The following OR7A17 variants were observed in gnomAD, a reference collection of about 807,000 sequenced individuals.
The protein encoded by OR7A17 is olfactory receptor family 7 subfamily A member 17, also known as olfactory receptor 7A17.
For synonymous variants in OR7A17, 159 were observed against 142.1 expected (o/e 1.12, Z -0.85); for missense variants, 366 against 365.5 (o/e 1.00, Z -0.01).
Position 14,878,519 on chromosome 19 carries a change from GT to G in OR7A17, c.*1906del, listed in dbSNP as rs1478973986. ...AGGAGTCTTATTTGTGTGTAGCACT[GT>G]AAATTTTTAAGCAGAAACAGTAAAA... On this transcript the variant is annotated 3_prime_UTR_variant, in exon 3 of 3. Coordinates refer to ENST00000641113, the MANE Select transcript of OR7A17 (RefSeq NM_030901.2). The G allele has an allele frequency of 7.2e-5, 11 of 152,210 alleles. No individual in the cohort carries two copies. The highest frequency in any genetic ancestry group is 2.7e-4 in the African/African-American group (11 of 41,454). The allele number at this position is 152,210 out of a possible 1,614,324, so 9.4% of individuals were successfully genotyped here.
rs112319371 is a variant in OR7A17, at chr19:14,880,324, A to G, written c.*102T>C. 2 of 702,766 alleles carry G rather than the reference A, an allele frequency of 2.8e-6. No homozygotes were observed. Among genetic ancestry groups the G allele is most frequent in the Non-Finnish European group, 2.2e-6 (1 of 460,066 alleles). The allele number at this position is 702,766 out of a possible 1,614,324, so 43.5% of individuals were successfully genotyped here. A position where few individuals can be genotyped will look rare whatever the true frequency, so the allele number is the denominator to read the frequency against. On this transcript the variant is annotated 3_prime_UTR_variant, in exon 3 of 3. Coordinates refer to ENST00000641113, the MANE Select transcript of OR7A17 (RefSeq NM_030901.2). ...AAATTGAAACTCTGAGAAAAAATAG[A>G]AGGAGCAAATTCCACTTTCACAACC...
In OR7A17 at chr19:14,882,773, C is replaced by T. The variant is rs143614335; in HGVS notation, c.-294-902G>A. ...AATACAGAGCCCAAATCCCCTTTCT[C>T]TGCAACCTGCTTTTATGCTAAAGGT... On this transcript the variant is annotated intron_variant, in intron 1 of 2. Transcript: ENST00000641113. 1.3e-4 allele frequency among the ~76,000 whole-genome samples: 20 copies of T among 152,336 alleles called. 1 individual carries two copies. Among genetic ancestry groups the T allele is most frequent in the African/African-American group, 4.6e-4 (19 of 41,562 alleles).
At chr19:14,885,196 A>G (rs1416354121) in intron 1 of OR7A17, among the ~76,000 whole-genome samples, 1 of 152,212 alleles carries the variant, frequency 6.6e-6, no homozygotes, top group African/African-American at 2.4e-5. Context: ...AGCTGGAAGC[A>G]TTCCCTTTGA....
chr19:14,880,209 C>CAAAAAAAAAAA lies in OR7A17; in HGVS notation c.*206_*216dup, dbSNP rs3030635. ...AAACATTGGGAAAGTAGGAAAATGACAAAAAAAAAAAAAAAAAAAAGATTG... is the reference window on the plus strand; with the variant it reads ...AAACATTGGGAAAGTAGGAAAATGACAAAAAAAAAAAAAAAAAAAAAAAAAAAAAAAGATTG... On this transcript the variant is annotated 3_prime_UTR_variant, in exon 3 of 3. Transcript: ENST00000641113. 1.2e-5 allele frequency: 2 copies of CAAAAAAAAAAA among 172,154 alleles called. No homozygotes were observed. Among genetic ancestry groups the CAAAAAAAAAAA allele is most frequent in the African/African-American group, 2.8e-5 (1 of 35,092 alleles). The allele number at this position is 172,154 out of a possible 1,614,324, so 10.7% of individuals were successfully genotyped here.
chr19:14,885,051 A>G (rs11881535), intron 1 of OR7A17, among the ~76,000 whole-genome samples: 11,176 of 152,268 alleles, frequency 0.073, 1,295 homozygotes, highest in African/African-American at 0.25. Context: ...ATAGATGCAG[A>G]AAAGTCCTCC....
rs768823958 is a variant in OR7A17, at chr19:14,881,005, C to G, written c.351G>C (p.Val117=). The change falls in exon 3 of 3, where the codon GTG becomes GTC. Residue 117 remains valine (V), a synonymous_variant. Coordinates refer to ENST00000641113, the MANE Select transcript of OR7A17 (RefSeq NM_030901.2). ...FGGLDSLLLA[V]MAYDRFVAIC... is the part of the protein sequence containing the mutation. ...TGGCCACAAACCGATCATAGGCCAT[C>G]ACAGCCAGGAGTAAGCTGTCTAACC... The G allele has an allele frequency of 1.7e-4, 279 of 1,614,194 alleles. 3 individuals carry two copies. In the South Asian group the frequency reaches 3.0e-3, roughly 17 times the overall value.
chr19:14,881,067 A>G lies in OR7A17; in HGVS notation c.289T>C (p.Cys97Arg). Residue 97 changes from cysteine to arginine, a missense_variant, in exon 3 of 3, where the codon TGC becomes CGC. Coordinates refer to ENST00000641113, the MANE Select transcript of OR7A17 (RefSeq NM_030901.2). ...ACAAAAAAGCACATCTGGGTGATGC[A>G]GCCTGCATAGGTGATGACTCTGCTC... ...TQSRVITYAG[C>R]ITQMCFFVLF... is the part of the protein sequence containing the mutation. 1 of 1,614,224 alleles carries G rather than the reference A, an allele frequency of 6.2e-7. No homozygotes were observed. The highest frequency in any genetic ancestry group is 8.5e-7 in the Non-Finnish European group (1 of 1,180,046).
chr19:14,885,212 G>T (rs1165788486), intron 1 of OR7A17, among the ~76,000 whole-genome samples: 1 of 152,122 alleles, frequency 6.6e-6, no homozygotes, highest in East Asian at 1.9e-4. Context: ...TTTGAAAACT[G>T]GCACAAGACA....
chr19:14,881,219 A>T lies in OR7A17; in HGVS notation c.137T>A (p.Ile46Asn), dbSNP rs10405129. ...GTGGGAGTCTGAGATTGTGGCCAGG[A>T]TGATGAGCAGATTCCCGAGCACAGT... ...LVTVLGNLLI[I>N]LATISDSHLH... Residue 46 changes from isoleucine to asparagine, a missense_variant, in exon 3 of 3, where the codon ATC becomes AAC. By Grantham distance (149) the Ile-to-Asn change is moderately radical. Transcript: ENST00000641113. The T allele has an allele frequency of 6.2e-7, 1 of 1,613,640 alleles. No individual in the cohort carries two copies. The highest frequency in any genetic ancestry group is 8.5e-7 in the Non-Finnish European group (1 of 1,179,886).
rs2045097246 is a variant in OR7A17, at chr19:14,879,806, C to G, written c.*620G>C. On this transcript the variant is annotated 3_prime_UTR_variant, in exon 3 of 3. Coordinates refer to ENST00000641113, the MANE Select transcript of OR7A17 (RefSeq NM_030901.2). The stretch of plus-strand genomic sequence containing the variant: ...GGGCATGGTGGTACATGCCTGTAAT[C>G]CCAGCTCCTTGGGAGGCTGAGGCAG... 2 of 152,460 alleles carry G rather than the reference C, an allele frequency of 1.3e-5. No individual in the cohort carries two copies. Among genetic ancestry groups the G allele is most frequent in the Admixed American group, 1.3e-4 (2 of 15,286 alleles). The allele number at this position is 152,460 out of a possible 1,614,324, so 9.4% of individuals were successfully genotyped here.
In OR7A17 at chr19:14,881,758, T is replaced by C. The variant is rs1180015558; in HGVS notation, c.-197+16A>G. ...TTGTGGATTGGCTAAATCTAGCCAA[T>C]TAACATTAGTATTACCTCATATAGT... On this transcript the variant is annotated intron_variant, in intron 2 of 2. Transcript: ENST00000641113. 1 of 152,582 alleles carries C rather than the reference T, an allele frequency of 6.6e-6. No individual in the cohort carries two copies. The highest frequency in any genetic ancestry group is 1.5e-5 in the Non-Finnish European group (1 of 68,342). The allele number at this position is 152,582 out of a possible 1,614,324, so 9.5% of individuals were successfully genotyped here. A position where few individuals can be genotyped will look rare whatever the true frequency, so the allele number is the denominator to read the frequency against.
At chr19:14,885,447 A>G (rs990707787) in intron 1 of OR7A17, among the ~76,000 whole-genome samples, 1 of 152,222 alleles carries the variant, frequency 6.6e-6, no homozygotes, top group Non-Finnish European at 1.5e-5. Flanking sequence ...TACAAAATCA[A>G]TGTGCAAAAA....
chr19:14,878,559 T>C lies in OR7A17; in HGVS notation c.*1867A>G, dbSNP rs938757976. ...GAAACAGTAAAATGATATAATGAAA[T>C]TACATAGACTGTGATTCCAAATCCT... On this transcript the variant is annotated 3_prime_UTR_variant, in exon 3 of 3. Coordinates refer to ENST00000641113, the MANE Select transcript of OR7A17 (RefSeq NM_030901.2). 6.6e-6 allele frequency: 1 copy of C among 152,168 alleles called. No homozygotes were observed. The highest frequency in any genetic ancestry group is 2.4e-5 in the African/African-American group (1 of 41,438). 9.4% of individuals were successfully genotyped at this position (152,168 alleles called of 1,614,324 possible). A position where few individuals can be genotyped will look rare whatever the true frequency, so the allele number is the denominator to read the frequency against.
At position 14,879,699 on chromosome 19, in the gene OR7A17, G is replaced by C. The variant is rs1057216776; in HGVS notation, c.*727C>G. On this transcript the variant is annotated 3_prime_UTR_variant, in exon 3 of 3. Coordinates refer to ENST00000641113, the MANE Select transcript of OR7A17 (RefSeq NM_030901.2). Reference sequence around the variant, plus strand: ...AGCACTTTGGGGGGCCGAGGCAGGCGGATCCCCTGAGGGTAGGAGTTCGAG... The same window carrying C: ...AGCACTTTGGGGGGCCGAGGCAGGCCGATCCCCTGAGGGTAGGAGTTCGAG... 6.6e-6 allele frequency: 1 copy of C among 152,328 alleles called. No individual in the cohort carries two copies. The highest frequency in any genetic ancestry group is 2.4e-5 in the African/African-American group (1 of 41,398). 9.4% of individuals were successfully genotyped at this position (152,328 alleles called of 1,614,324 possible).
Position 14,878,267 on chromosome 19 carries a change from T to C in OR7A17, c.*2159A>G, listed in dbSNP as rs2145117341. 2 of 152,342 alleles carry C rather than the reference T, an allele frequency of 1.3e-5. 1 individual carries two copies. The highest frequency in any genetic ancestry group is 4.1e-4 in the South Asian group (2 of 4,826). 9.4% of individuals were successfully genotyped at this position (152,342 alleles called of 1,614,324 possible). A position where few individuals can be genotyped will look rare whatever the true frequency, so the allele number is the denominator to read the frequency against. On this transcript the variant is annotated 3_prime_UTR_variant, in exon 3 of 3. Coordinates refer to ENST00000641113, the MANE Select transcript of OR7A17 (RefSeq NM_030901.2). ...GAAAGAACGTGTATGTATTTGTAGA[T>C]ATAAATTGTGATTCTGATTCACAAG...
intron 1 of OR7A17, among the ~76,000 whole-genome samples, chr19:14,885,400 C>T (rs1475706209): frequency 6.6e-6 from 1 of 152,184 alleles, no homozygotes; most frequent in East Asian, 1.9e-4. Flanking sequence ...CCCAAAATCT[C>T]CTTAAGCTGA....
chr19:14,884,100 A>T (rs187234313), intron 1 of OR7A17, among the ~76,000 whole-genome samples: 3 of 152,366 alleles, frequency 2.0e-5, no homozygotes, highest in Admixed American at 2.0e-4. Flanking sequence ...ACAAAGAATT[A>T]GCAGATTTAA....
intron 1 of OR7A17, among the ~76,000 whole-genome samples, chr19:14,885,383 G>A (rs942563845): frequency 2.0e-5 from 3 of 152,168 alleles, no homozygotes; most frequent in Non-Finnish European, 2.9e-5. Flanking sequence ...AAACCCCATC[G>A]TCTCAGCCCA....
chr19:14,884,422 C>G (rs146852450), intron 1 of OR7A17, among the ~76,000 whole-genome samples: 1 of 152,010 alleles, frequency 6.6e-6, no homozygotes, highest in Non-Finnish European at 1.5e-5. Flanking sequence ...GAGAACCAGG[C>G]TCTAAAAAGT....
Sources: allele counts gnomAD v4.1 joint callset (sites outside exome capture counted in the v4.1 genomes callset), GRCh38; gene constraint gnomAD v4.1.1; transcripts MANE v1.5; gene names NCBI Gene and HGNC (gene_info 2026-07-23, HGNC 2026-07-21).